Variants in WNT10A observed in about 807,000 individuals in gnomAD.
WNT10A encodes the protein Wnt family member 10A.
Under a neutral mutation model 36.1 loss-of-function variants are expected in WNT10A, and 37 were observed. The ratio of observed to expected loss-of-function variants is 1.02; its 90% CI spans 0.79 to 1.35. The LOEUF (loss-of-function observed/expected upper bound fraction) is 1.35. Among genes scored for constraint, WNT10A ranks in the 40% most tolerant of loss-of-function variants. The pLI is 0.00. For synonymous variants in WNT10A, 255 were observed against 254.1 expected (o/e 1.00, Z -0.03); for missense variants, 613 against 601.4 (o/e 1.02, Z -0.20).
At chr2:218,889,282 C>A (rs2106015662) in intron 2 of WNT10A, among the ~76,000 whole-genome samples, 1 of 152,312 alleles carries the variant, frequency 6.6e-6, no homozygotes, top group African/African-American at 2.4e-5. Flanking sequence ...GAGGAGTATT[C>A]CATGGCATAT....
In WNT10A at chr2:218,880,962, C is replaced by T. The variant is rs749615430; in HGVS notation, c.-34C>T. On this transcript the variant is annotated 5_prime_UTR_variant, in exon 1 of 4. Transcript: ENST00000258411. The surrounding 1 kb of genome is among the most constrained non-coding windows in gnomAD (Gnocchi z 7.7). ...CTCTCCAGTCCCACTGGGCTGTGAGCCCCCCACTCCCAGCCCGTCAGGGCC... is the reference window on the plus strand; with the variant it reads ...CTCTCCAGTCCCACTGGGCTGTGAGTCCCCCACTCCCAGCCCGTCAGGGCC... The T allele has an allele frequency of 5.6e-5, 86 of 1,546,924 alleles. 2 individuals are homozygous for T. The East Asian group carries it at 1.8e-3, about 32-fold the overall frequency.
chr2:218,889,043 C>A (rs908587753), intron 2 of WNT10A, among the ~76,000 whole-genome samples: 2 of 152,202 alleles, frequency 1.3e-5, no homozygotes, highest in African/African-American at 2.4e-5. Flanking sequence ...GTGTACACTG[C>A]ACCCAATGTG....
the WNT10A span, among the ~76,000 whole-genome samples, chr2:218,875,465 C>T: frequency 6.6e-6 from 1 of 152,092 alleles, no homozygotes; most frequent in Admixed American, 6.6e-5. Context: ...GCTGGGATTA[C>T]AGGCGTGAGC....
rs1944636724 is a variant in WNT10A at position 218,890,348 on chromosome 2, C to G, written c.741C>G (p.Asn247Lys). The change falls in exon 3 of 4, where the codon AAC (asparagine) becomes AAG (lysine). Residue 247 changes from asparagine (N) to lysine (K), a missense_variant. By Grantham distance (94) the Asn-to-Lys change is moderately conservative. Coordinates refer to ENST00000258411, the MANE Select transcript of WNT10A (RefSeq NM_025216.3). ...ACGCGAGAATGAGGCTTCACAACAA[C>G]CGAGTTGGGAGGCAGGTGAGAGCCC... ...DIHARMRLHN[N>K]RVGRQAVMEN... 6.2e-7 allele frequency: 1 copy of G among 1,600,148 alleles called. No homozygotes were observed. Among genetic ancestry groups the G allele is most frequent in the East Asian group, 2.2e-5 (1 of 44,876 alleles).
Position 218,881,050 on chromosome 2 carries a change from C to T in WNT10A, c.55C>T (p.Arg19Trp). ...GCGGCTCCGACCCCAGCCCCAGCCG[C>T]GGCCAGCGCTCTGGGTGCTCCTGTT... is the stretch of plus-strand genomic sequence containing the variant. ...WLRLRPQPQP[R>W]PALWVLLFFL... The change falls in exon 1 of 4, where the codon CGG becomes TGG. Residue 19 changes from arginine (R) to tryptophan (W), a missense_variant. Coordinates refer to ENST00000258411, the MANE Select transcript of WNT10A (RefSeq NM_025216.3). The T allele has an allele frequency of 6.2e-7, 1 of 1,604,248 alleles. No homozygotes were observed. Among genetic ancestry groups the T allele is most frequent in the Non-Finnish European group, 8.5e-7 (1 of 1,175,830 alleles).
intron 3 of WNT10A, among the ~76,000 whole-genome samples, chr2:218,892,303 CCACACACACACACA>C (rs60385784): frequency 0.034 from 3,453 of 100,926 alleles, 117 homozygotes; most frequent in Middle Eastern, 0.07. Context: ...ACCCACCCCA[CCACACACACACACA>C]CACACACACA....
At chr2:218,883,672 C>T (rs1329431153) in intron 2 of WNT10A, among the ~76,000 whole-genome samples, 3 of 151,638 alleles carry the variant, frequency 2.0e-5, no homozygotes, top group African/African-American at 7.3e-5. Context: ...CCGCGGCAGA[C>T]GGCTCCCGGC....
chr2:218,876,246 T>A (rs765751785), upstream of WNT10A, among the ~76,000 whole-genome samples: 1 of 152,132 alleles, frequency 6.6e-6, no homozygotes, highest in Non-Finnish European at 1.5e-5. Context: ...TCTAGGGAGA[T>A]GTACTACCAT....
upstream of WNT10A, among the ~76,000 whole-genome samples, chr2:218,876,460 C>A (rs1487505812): frequency 6.6e-6 from 1 of 152,160 alleles, no homozygotes; most frequent in Non-Finnish European, 1.5e-5. Flanking sequence ...CCTCAAGGCT[C>A]ATGGTGGGGA....
At chr2:218,880,611 A>C, upstream of WNT10A, 1 of 197,334 alleles carries the variant, frequency 5.1e-6, no homozygotes. The surrounding 1 kb of genome is among the most constrained non-coding windows in gnomAD (Gnocchi z 7.7). Flanking sequence ...CGCCCTCGGA[A>C]GCGCAGGCTC....
chr2:218,887,460 A>G (rs562354221), intron 2 of WNT10A, among the ~76,000 whole-genome samples: 26 of 152,272 alleles, frequency 1.7e-4, no homozygotes, highest in Non-Finnish European at 5.9e-5. Flanking sequence ...CCTTCCCCTT[A>G]GGTTCCACTT....
chr2:218,892,455 TC>T (rs35633296), intron 3 of WNT10A, among the ~76,000 whole-genome samples: 1 of 151,672 alleles, frequency 6.6e-6, no homozygotes, highest in African/African-American at 2.4e-5. Context: ...CTATTTGGGA[TC>T]CCCCTTCAGG....
the WNT10A span, among the ~76,000 whole-genome samples, chr2:218,875,159 C>CTTTTTTTTTTTTTTT: frequency 4.3e-4 from 16 of 36,864 alleles, 7 homozygotes; most frequent in Admixed American, 8.5e-4. Context: ...GACTGACTTT[C>CTTTTTTTTTTTTTTT]TTTTTTTTTT....
chr2:218,886,639 C>T (rs527509773), intron 2 of WNT10A, among the ~76,000 whole-genome samples: 1 of 145,174 alleles, frequency 6.9e-6, no homozygotes, highest in Non-Finnish European at 1.5e-5. Context: ...CCCACCCCCC[C>T]ACCGCTGCCT....
intron 2 of WNT10A, among the ~76,000 whole-genome samples, chr2:218,883,442 C>A (rs1313209077): frequency 1.3e-5 from 2 of 152,076 alleles, no homozygotes; most frequent in African/African-American, 2.4e-5. Flanking sequence ...AAAGCCGCGG[C>A]CCTTCCCTTT....
intron 2 of WNT10A, among the ~76,000 whole-genome samples, chr2:218,888,916 TTTTA>T (rs145817678): frequency 2.1e-4 from 32 of 152,288 alleles, no homozygotes; most frequent in Middle Eastern, 3.4e-3. Flanking sequence ...TGAAATATCA[TTTTA>T]TTTATTTATT....
At chr2:218,881,670 A>C (rs958428127) in intron 1 of WNT10A, among the ~76,000 whole-genome samples, 3 of 152,108 alleles carry the variant, frequency 2.0e-5, no homozygotes, top group African/African-American at 7.2e-5. Context: ...ATGTATGTTA[A>C]GATGAACACA....
At chr2:218,882,558 G>A (rs926146498) in intron 2 of WNT10A, 135 bp downstream of exon 2, 9 of 1,195,124 alleles carry the variant, frequency 7.5e-6, no homozygotes, top group South Asian at 2.7e-5. Flanking sequence ...TGGCCCTGCT[G>A]CTCTCCTTCC....
chr2:218,881,085 G>A lies in WNT10A; in HGVS notation c.90G>A (p.Leu30=). The A allele has an allele frequency of 6.2e-7, 1 of 1,601,464 alleles. No homozygotes were observed. The highest frequency in any genetic ancestry group is 8.5e-7 in the Non-Finnish European group (1 of 1,174,130). Residue 30 remains leucine, a synonymous_variant, in exon 1 of 4, where the codon CTG becomes CTA. Coordinates refer to ENST00000258411, the MANE Select transcript of WNT10A (RefSeq NM_025216.3). ...TCTGGGTGCTCCTGTTCTTCCTACT[G>A]CTGCTGGCTGCTGCCATGCCCAGGT... The part of the protein sequence containing the change: ...PALWVLLFFL[L]LLAAAMPRSA...
Sources: gnomAD v4.1 joint callset for allele counts (sites outside exome capture counted in the v4.1 genomes callset) on GRCh38, gnomAD v4.1.1 for gene constraint, Gnocchi (gnomAD v3.1) non-coding constraint, MANE v1.5 for transcripts, NCBI Gene and HGNC (gene_info 2026-07-23, HGNC 2026-07-21) for gene names.